The following PDE3B variants were observed in gnomAD, a reference collection of about 807,000 sequenced individuals.
PDE3B encodes the protein cGMP-inhibited 3',5'-cyclic phosphodiesterase 3B.
In PDE3B, 66 loss-of-function variants were observed where a neutral mutation model predicts 116.8. The observed-to-expected ratio is 0.56, with a 90% CI of 0.46 to 0.69. The LOEUF is 0.69. Among genes scored for constraint, PDE3B ranks in the 30% least tolerant of loss-of-function variants. PDE3B has a pLI of 0.00. For synonymous variants in PDE3B, 595 were observed against 533.6 expected (o/e 1.12, Z -1.59); for missense variants, 1,384 against 1,368.1 (o/e 1.01, Z -0.18).
chr11:14,813,443 G>A (rs991002219), intron 5 of PDE3B, among the ~76,000 whole-genome samples: 3 of 152,090 alleles, frequency 2.0e-5, no homozygotes, highest in African/African-American at 4.8e-5. Context: ...GAATCCTGAC[G>A]CTGCCATCTC....
intron 5 of PDE3B, among the ~76,000 whole-genome samples, chr11:14,809,022 G>A (rs898334372): frequency 1.3e-5 from 2 of 152,090 alleles, no homozygotes; most frequent in African/African-American, 2.4e-5. Flanking sequence ...GTATAGAAAC[G>A]CAAGAGTCCC....
chr11:14,721,757 C>G (rs1173870845), intron 1 of PDE3B, among the ~76,000 whole-genome samples: 10 of 3,720 alleles, frequency 2.7e-3, no homozygotes, highest in Non-Finnish European at 4.6e-3. Context: ...GGGAATATCA[C>G]ACTCTGTGGA....
chr11:14,883,722 G>GAA, the PDE3B span, among the ~76,000 whole-genome samples: 1 of 151,942 alleles, frequency 6.6e-6, no homozygotes, highest in Admixed American at 6.5e-5. Context: ...CACAGCAAAA[G>GAA]AAACTACCAT....
intron 14 of PDE3B, among the ~76,000 whole-genome samples, chr11:14,862,450 T>TA (rs1236995491): frequency 6.6e-6 from 1 of 152,162 alleles, no homozygotes; most frequent in Non-Finnish European, 1.5e-5. Flanking sequence ...AATTCTGCTA[T>TA]AAAAAGACTA....
intron 4 of PDE3B, among the ~76,000 whole-genome samples, chr11:14,802,132 G>T (rs1443009839): frequency 1.3e-5 from 2 of 152,172 alleles, no homozygotes; most frequent in Non-Finnish European, 2.9e-5. Flanking sequence ...TCTTTCCGGG[G>T]GAGTATAGGG....
At chr11:14,691,220 T>G (rs1855033443) in intron 1 of PDE3B, among the ~76,000 whole-genome samples, 1 of 152,212 alleles carries the variant, frequency 6.6e-6, no homozygotes, top group Non-Finnish European at 1.5e-5. Context: ...CAACATTTTA[T>G]GCTTAGTTCA....
chr11:14,750,168 A>G (rs1039863481), intron 1 of PDE3B, among the ~76,000 whole-genome samples: 5 of 151,622 alleles, frequency 3.3e-5, no homozygotes, highest in African/African-American at 7.3e-5. Context: ...AGGGAAAGCA[A>G]TCTGCTTTAC....
At chr11:14,661,989 G>A (rs957943000) in intron 1 of PDE3B, among the ~76,000 whole-genome samples, 13 of 152,082 alleles carry the variant, frequency 8.5e-5, no homozygotes, top group Admixed American at 2.6e-4. Flanking sequence ...ATCTGAGAAC[G>A]GGCAGACTGC....
intron 1 of PDE3B, among the ~76,000 whole-genome samples, chr11:14,656,310 A>C (rs1165163701): frequency 2.6e-5 from 4 of 152,210 alleles, no homozygotes; most frequent in Non-Finnish European, 5.9e-5. Context: ...TCTAAATGGG[A>C]TGTAAACTCC....
chr11:14,759,193 G>A lies in PDE3B; in HGVS notation c.979-12744G>A, dbSNP rs183075080. 5.6e-4 allele frequency among the ~76,000 whole-genome samples: 85 copies of A among 152,142 alleles called. 3 individuals carry two copies. The East Asian group carries it at 9.9e-3, about 18-fold the overall frequency. ...TTCCAGTATTTTATTGAGGATTTTTGCATCAATGTTCGTCAAGGATATTGG... is the reference window on the plus strand; with the variant it reads ...TTCCAGTATTTTATTGAGGATTTTTACATCAATGTTCGTCAAGGATATTGG... On this transcript the variant is annotated intron_variant, in intron 1 of 15. Coordinates refer to ENST00000282096, the MANE Select transcript of PDE3B (RefSeq NM_000922.4).
rs781531275 is a variant in PDE3B at position 14,715,669 on chromosome 11, G to C, written c.979-56268G>C. On this transcript the variant is annotated intron_variant, in intron 1 of 15. Transcript: ENST00000282096. ...CTTAAGATTTTGGGCTGAGACGATG[G>C]GGTTTTCTAAATATACAATCATGTT... 3.2e-4 allele frequency among the ~76,000 whole-genome samples: 49 copies of C among 152,084 alleles called. 1 individual carries two copies. The highest frequency in any genetic ancestry group is 5.7e-4 in the Non-Finnish European group (39 of 68,014).
chr11:14,778,845 T>C (rs1447548501), intron 2 of PDE3B, among the ~76,000 whole-genome samples: 2 of 152,202 alleles, frequency 1.3e-5, no homozygotes, highest in Non-Finnish European at 2.9e-5. Context: ...AGAAGAAGGC[T>C]TCAGATGATT....
intron 1 of PDE3B, among the ~76,000 whole-genome samples, chr11:14,704,950 T>C (rs1378495203): frequency 4.0e-5 from 6 of 151,686 alleles, no homozygotes; most frequent in Admixed American, 2.0e-4. Context: ...AAAATATTTA[T>C]AATACATATA....
chr11:14,685,845 G>T (rs1022724050), intron 1 of PDE3B, among the ~76,000 whole-genome samples: 7 of 152,112 alleles, frequency 4.6e-5, no homozygotes, highest in African/African-American at 1.7e-4. Flanking sequence ...AGTAGGTTTT[G>T]GTTATCATTC....
intron 1 of PDE3B, among the ~76,000 whole-genome samples, chr11:14,647,634 CT>C (rs1451450144): frequency 1.3e-5 from 2 of 151,768 alleles, no homozygotes; most frequent in African/African-American, 4.8e-5. Flanking sequence ...TTGGATAGGA[CT>C]TTAAAAAAGT....
intron 12 of PDE3B, among the ~76,000 whole-genome samples, chr11:14,853,203 A>T (rs1233866278): frequency 2.6e-5 from 4 of 152,008 alleles, no homozygotes; most frequent in African/African-American, 9.7e-5. Context: ...TTATACCATT[A>T]TGCTCCTTCT....
At chr11:14,722,766 TTTC>T (rs1286526993) in intron 1 of PDE3B, among the ~76,000 whole-genome samples, 3 of 152,184 alleles carry the variant, frequency 2.0e-5, no homozygotes, top group Non-Finnish European at 4.4e-5. Flanking sequence ...GCTAAGCCAC[TTTC>T]AGATTCTTGA....
chr11:14,831,744 G>C lies in PDE3B; in HGVS notation c.2061G>C (p.Lys687Asn). Residue 687 changes from lysine (K) to asparagine (N), a missense_variant, in exon 9 of 16, where the codon AAG becomes AAC. By Grantham distance (94) the Lys-to-Asn change is moderately conservative (BLOSUM62 0). Coordinates refer to ENST00000282096, the MANE Select transcript of PDE3B (RefSeq NM_000922.4). ...TTCCAATTTTTGAACTTGTAGAAAA[G>C]ATGGGAGAGAAATCAGGAAGGATTC... ...WNFPIFELVE[K>N]MGEKSGRILS... The C allele has an allele frequency of 6.2e-7, 1 of 1,605,338 alleles. No homozygotes were observed. The highest frequency in any genetic ancestry group is 8.5e-7 in the Non-Finnish European group (1 of 1,174,520).
chr11:14,869,547 G>A lies in PDE3B; in HGVS notation c.3226G>A (p.Val1076Ile), dbSNP rs577995164. 1.1e-5 allele frequency: 18 copies of A among 1,613,744 alleles called. No individual in the cohort carries two copies. In the South Asian group the frequency reaches 1.3e-4, roughly 12 times the overall value. ...TENHKIWKEIVEEEEKCKADG... is the reference protein window; with the variant it reads ...TENHKIWKEIIEEEEKCKADG... ...AAACCACAAGATATGGAAGGAAATC[G>A]TAGAGGAAGAAGAAAAATGTAAAGC... is the stretch of plus-strand genomic sequence containing the variant. The change falls in exon 16 of 16, where the codon GTA (valine) becomes ATA (isoleucine). Residue 1076 changes from valine (V) to isoleucine (I), a missense_variant. Around this residue, in one of 2 missense-constraint regions of PDE3B, gnomAD observed 428 missense variants for 561.4 expected, o/e 0.76. Transcript: ENST00000282096.
Sources: allele counts gnomAD v4.1 joint callset (sites outside exome capture counted in the v4.1 genomes callset), GRCh38; gene constraint gnomAD v4.1.1; regional missense constraint gnomAD v4.1.1; transcripts MANE v1.5; gene names NCBI Gene and HGNC (gene_info 2026-07-23, HGNC 2026-07-21).